Variants in FLT1 observed in about 807,000 individuals in gnomAD.
The protein encoded by FLT1 is vascular endothelial growth factor receptor 1.
A neutral mutation model predicts 156.3 loss-of-function variants in FLT1; 49 were observed. The observed-to-expected ratio is 0.31, with a 90% confidence interval of 0.25 to 0.40. FLT1 has a LOEUF of 0.40. FLT1 is among the 10% of genes least tolerant of loss of function. The pLI is 1.00. For synonymous variants in FLT1, 594 were observed against 583.8 expected (o/e 1.02, Z -0.25); for missense variants, 1,322 against 1,637.2 (o/e 0.81, Z 3.32).
In FLT1 at chr13:28,388,312, G is replaced by A. The variant is rs1376166840; in HGVS notation, c.1969+1484C>T. The A allele has an allele frequency of 3.8e-6, 4 of 1,058,448 alleles. No individual in the cohort carries two copies. In the South Asian group the frequency reaches 1.4e-4, roughly 36 times the overall value. 65.6% of individuals were successfully genotyped at this position (1,058,448 alleles called of 1,614,324 possible). A position where few individuals can be genotyped will look rare whatever the true frequency, so the allele number is the denominator to read the frequency against. ...AAAGCAATTCCCACGTGAAAGACAA[G>A]TTTAGCCGTGGGACAGAATCTGTTA... On this transcript the variant is annotated intron_variant, in intron 13 of 29. Transcript: ENST00000282397.
intron 11 of FLT1, among the ~76,000 whole-genome samples, chr13:28,400,129 T>C (rs1323834299): frequency 6.6e-6 from 1 of 152,226 alleles, no homozygotes; most frequent in East Asian, 1.9e-4. Flanking sequence ...ACTCTTTAAG[T>C]TGAATAACAC....
At chr13:28,487,136 C>A (rs1881211349) in intron 1 of FLT1, among the ~76,000 whole-genome samples, 1 of 152,204 alleles carries the variant, frequency 6.6e-6, no homozygotes, top group Non-Finnish European at 1.5e-5. Context: ...TTACCTATGC[C>A]TAGGTCCCTC....
chr13:28,413,835 CAT>C (rs2137513348), intron 10 of FLT1, among the ~76,000 whole-genome samples: 1 of 152,270 alleles, frequency 6.6e-6, no homozygotes, highest in Non-Finnish European at 1.5e-5. Flanking sequence ...GCATAAGAAA[CAT>C]AGATGTTAGA....
chr13:28,482,168 A>T (rs674834), intron 1 of FLT1, among the ~76,000 whole-genome samples: 1 of 152,084 alleles, frequency 6.6e-6, no homozygotes, highest in South Asian at 2.1e-4. Flanking sequence ...GAAAATACAG[A>T]CCTCGCCGGG....
At chr13:28,431,661 C>A (rs553834625) in intron 6 of FLT1, among the ~76,000 whole-genome samples, 2 of 152,170 alleles carry the variant, frequency 1.3e-5, no homozygotes, top group Non-Finnish European at 2.9e-5. Flanking sequence ...TGGCTAGGAA[C>A]TGAAGTTGTT....
Position 28,327,655 on chromosome 13 carries a change from T to C in FLT1, c.2708-105A>G, listed in dbSNP as rs755285208. 21 of 762,302 alleles carry C rather than the reference T, an allele frequency of 2.8e-5. No homozygotes were observed. Among genetic ancestry groups the C allele is most frequent in the Admixed American group, 2.7e-4 (14 of 51,822 alleles). 47.2% of individuals were successfully genotyped at this position (762,302 alleles called of 1,614,324 possible). A position where few individuals can be genotyped will look rare whatever the true frequency, so the allele number is the denominator to read the frequency against. On this transcript the variant is annotated intron_variant, in intron 19 of 29. Coordinates refer to ENST00000282397, the MANE Select transcript of FLT1 (RefSeq NM_002019.4). ...AACCTCAAACCAACCAGCCTTTGTA[T>C]TAGTGGGGCGAAGGGATGCGATTTA...
Position 28,317,471 on chromosome 13 carries a change from G to A in FLT1, c.3386+27C>T, listed in dbSNP as rs949820544. 7.8e-6 allele frequency: 11 copies of A among 1,414,494 alleles called. No individual in the cohort carries two copies. In the African/African-American group the frequency reaches 1.3e-4, roughly 16 times the overall value. 87.6% of individuals were successfully genotyped at this position (1,414,494 alleles called of 1,614,324 possible). On this transcript the variant is annotated intron_variant, in intron 25 of 29. Coordinates refer to ENST00000282397, the MANE Select transcript of FLT1 (RefSeq NM_002019.4). ...CCTGGTGAAAAGCGAGCTGTCAGAT[G>A]GGGAGCAGAGGGCACCAAGGGCTCA...
rs908396214 is a variant in FLT1, at chr13:28,447,943, G to A, written c.389-9598C>T. 2.6e-5 allele frequency among the ~76,000 whole-genome samples: 4 copies of A among 151,986 alleles called. No individual in the cohort carries two copies. The East Asian group carries it at 7.7e-4, about 29-fold the overall frequency. Reference sequence around the variant, plus strand: ...AATAAAGACAAGCTAATTAAAAATGGGAAAAGGATCTGAACTGACATTTAC... The same window carrying A: ...AATAAAGACAAGCTAATTAAAAATGAGAAAAGGATCTGAACTGACATTTAC... On this transcript the variant is annotated intron_variant, in intron 3 of 29. Transcript: ENST00000282397.
At chr13:28,325,967 G>C (rs1871663154) in intron 20 of FLT1, among the ~76,000 whole-genome samples, 1 of 152,188 alleles carries the variant, frequency 6.6e-6, no homozygotes, top group Non-Finnish European at 1.5e-5. Flanking sequence ...TTGGCCAGCT[G>C]TCCAGTGGTT....
intron 3 of FLT1, among the ~76,000 whole-genome samples, chr13:28,446,026 T>C (rs1168227114): frequency 2.0e-5 from 3 of 152,204 alleles, no homozygotes; most frequent in Non-Finnish European, 2.9e-5. Context: ...GTAATTACTA[T>C]ATCATGTCAA....
chr13:28,467,166 G>T (rs972501303), intron 2 of FLT1, 37 bp from the exon 3 acceptor site: 2 of 1,509,190 alleles, frequency 1.3e-6, no homozygotes, highest in Non-Finnish European at 1.8e-6. Flanking sequence ...CATATTTATG[G>T]CTGGGCCCTA....
chr13:28,303,807 G>C (rs528250893), intron 29 of FLT1, among the ~76,000 whole-genome samples: 1 of 152,084 alleles, frequency 6.6e-6, no homozygotes, highest in African/African-American at 2.4e-5. Flanking sequence ...TCTCTTGTAA[G>C]TTGCCAAGTT....
At chr13:28,366,953 G>C (rs1318575993) in intron 14 of FLT1, among the ~76,000 whole-genome samples, 1 of 152,182 alleles carries the variant, frequency 6.6e-6, no homozygotes, top group Non-Finnish European at 1.5e-5. Flanking sequence ...CCAGTGTCTA[G>C]TGCAGGCCGA....
In FLT1 at chr13:28,303,080, C is replaced by G; in HGVS notation, c.*87G>C. The G allele has an allele frequency of 8.1e-7, 1 of 1,234,226 alleles. No homozygotes were observed. Among genetic ancestry groups the G allele is most frequent in the East Asian group, 2.3e-5 (1 of 42,562 alleles). The allele number at this position is 1,234,226 out of a possible 1,614,324, so 76.5% of individuals were successfully genotyped here. A position where few individuals can be genotyped will look rare whatever the true frequency, so the allele number is the denominator to read the frequency against. On this transcript the variant is annotated 3_prime_UTR_variant, in exon 30 of 30. Coordinates refer to ENST00000282397, the MANE Select transcript of FLT1 (RefSeq NM_002019.4). ...TCCCATGGAAAGATAAAGGTGTAAA[C>G]TTATATATGCATAATACTGGCAAAA... is the stretch of plus-strand genomic sequence containing the variant.
chr13:28,314,439 G>C (rs957480028), intron 25 of FLT1, among the ~76,000 whole-genome samples: 1 of 152,002 alleles, frequency 6.6e-6, no homozygotes, highest in African/African-American at 2.4e-5. Flanking sequence ...TTCCCTTATT[G>C]AAAGACATCT....
At chr13:28,459,182 G>A (rs144298003) in intron 3 of FLT1, among the ~76,000 whole-genome samples, 83 of 152,320 alleles carry the variant, frequency 5.4e-4, no homozygotes, top group Middle Eastern at 3.4e-3. Flanking sequence ...TGGGTTTCCA[G>A]ACATGTCATC....
At chr13:28,444,038 T>C (rs993399989) in intron 3 of FLT1, among the ~76,000 whole-genome samples, 5 of 152,176 alleles carry the variant, frequency 3.3e-5, no homozygotes, top group African/African-American at 9.7e-5. Flanking sequence ...AAAACATATA[T>C]GTACCTAATA....
At chr13:28,378,509 G>A (rs879892161) in intron 14 of FLT1, among the ~76,000 whole-genome samples, 3 of 152,206 alleles carry the variant, frequency 2.0e-5, no homozygotes, top group Admixed American at 6.5e-5. Context: ...CATATGTTCA[G>A]TGTGCAGAGT....
chr13:28,422,851 C>A (rs1247153397), intron 10 of FLT1, among the ~76,000 whole-genome samples: 1 of 152,236 alleles, frequency 6.6e-6, no homozygotes, highest in East Asian at 1.9e-4. Context: ...TATGCCAAGA[C>A]TGTCCTTGCC....
Sources: allele counts gnomAD v4.1 joint callset (sites outside exome capture counted in the v4.1 genomes callset), GRCh38; gene constraint gnomAD v4.1.1; transcripts MANE v1.5; gene names NCBI Gene and HGNC (gene_info 2026-07-23, HGNC 2026-07-21).